Variants in ZNF804A observed in about 807,000 individuals in gnomAD.
ZNF804A encodes zinc finger protein 804A.
A neutral mutation model predicts 16.5 loss-of-function variants in ZNF804A; 2 were observed. The ratio of observed to expected loss-of-function variants is 0.12; its 90% confidence interval spans 0.05 to 0.38. ZNF804A has a LOEUF of 0.38. ZNF804A is among the 10% of genes least tolerant of loss of function. The probability of loss-of-function intolerance (pLI) is 0.99; values close to 1 mark genes in which losing one functional copy is unlikely to be tolerated. For missense variants in ZNF804A, 1,473 were observed against 1,390.7 expected (o/e 1.06, Z -0.94); for synonymous variants, 534 against 489.6 (o/e 1.09, Z -1.20).
intron 1 of ZNF804A, among the ~76,000 whole-genome samples, chr2:184,636,530 T>A (rs371742147): frequency 7.8e-6 from 1 of 128,652 alleles, no homozygotes; most frequent in East Asian, 2.3e-4. Flanking sequence ...GGACAAAGCA[T>A]GTGAGATTGG....
chr2:184,830,794 T>C (rs554084678), intron 1 of ZNF804A, among the ~76,000 whole-genome samples: 1 of 152,234 alleles, frequency 6.6e-6, no homozygotes, highest in Non-Finnish European at 1.5e-5. Context: ...TCTGAAGCAC[T>C]GAAAAGAGTT....
At chr2:184,829,320 A>C (rs1216868531) in intron 1 of ZNF804A, among the ~76,000 whole-genome samples, 1 of 151,962 alleles carries the variant, frequency 6.6e-6, no homozygotes, top group Non-Finnish European at 1.5e-5. Flanking sequence ...AATAATTTTT[A>C]AAGACTTAGT....
At chr2:184,616,268 G>T (rs905470317) in intron 1 of ZNF804A, among the ~76,000 whole-genome samples, 1 of 152,080 alleles carries the variant, frequency 6.6e-6, no homozygotes, top group Non-Finnish European at 1.5e-5. Context: ...TGTGTAACCT[G>T]AGTCAGTTAT....
intron 1 of ZNF804A, among the ~76,000 whole-genome samples, chr2:184,678,852 T>A (rs1692485192): frequency 1.3e-5 from 2 of 152,212 alleles, no homozygotes; most frequent in African/African-American, 4.8e-5. Flanking sequence ...ATCTCAGTGA[T>A]ATTCAGGAGA....
chr2:184,788,433 G>C (rs1694484222), intron 1 of ZNF804A, among the ~76,000 whole-genome samples: 1 of 151,900 alleles, frequency 6.6e-6, no homozygotes, highest in African/African-American at 2.4e-5. Context: ...GGGTAGAATG[G>C]TAATTTGAAC....
chr2:184,877,605 C>T (rs1684729625), intron 2 of ZNF804A, among the ~76,000 whole-genome samples: 1 of 151,830 alleles, frequency 6.6e-6, no homozygotes, highest in Admixed American at 6.6e-5. Context: ...TGGTAAATAG[C>T]AAGAAAACTT....
chr2:184,741,934 T>C (rs1285534229), intron 1 of ZNF804A, among the ~76,000 whole-genome samples: 4 of 152,136 alleles, frequency 2.6e-5, no homozygotes, highest in Admixed American at 6.6e-5. Flanking sequence ...TTTCAAATTA[T>C]AGAGAAGCAA....
chr2:184,639,262 C>T (rs766577506), intron 1 of ZNF804A, among the ~76,000 whole-genome samples: 1 of 151,690 alleles, frequency 6.6e-6, no homozygotes, highest in Non-Finnish European at 1.5e-5. Flanking sequence ...TTAGCAGAGA[C>T]GAGGTTTCAC....
intron 1 of ZNF804A, among the ~76,000 whole-genome samples, chr2:184,756,510 T>G: frequency 6.6e-6 from 1 of 152,172 alleles, no homozygotes; most frequent in Middle Eastern, 3.4e-3. Flanking sequence ...TGTATAAATT[T>G]TATAGGTTTT....
intron 1 of ZNF804A, among the ~76,000 whole-genome samples, chr2:184,736,771 G>A (rs138206123): frequency 6.6e-6 from 1 of 151,758 alleles, no homozygotes; most frequent in East Asian, 1.9e-4. Flanking sequence ...ACTTAACAGT[G>A]GTTAATTCGT....
intron 1 of ZNF804A, among the ~76,000 whole-genome samples, chr2:184,809,479 A>T (rs1308385520): frequency 4.0e-5 from 6 of 151,894 alleles, no homozygotes; most frequent in African/African-American, 1.4e-4. Flanking sequence ...ATGTGTATTT[A>T]GAAAATTTGT....
At chr2:184,695,131 A>T (rs1692808131) in intron 1 of ZNF804A, among the ~76,000 whole-genome samples, 1 of 152,158 alleles carries the variant, frequency 6.6e-6, no homozygotes, top group South Asian at 2.1e-4. Context: ...ACTTCAAAAT[A>T]TGTAGAGAGA....
chr2:184,739,393 CT>C (rs573576217), intron 1 of ZNF804A, among the ~76,000 whole-genome samples: 38 of 152,176 alleles, frequency 2.5e-4, no homozygotes, highest in African/African-American at 7.2e-4. Flanking sequence ...GATTTCATGA[CT>C]TTTTTTGCAG....
intron 2 of ZNF804A, among the ~76,000 whole-genome samples, chr2:184,888,807 C>CTT (rs767785055): frequency 8.6e-5 from 13 of 152,038 alleles, no homozygotes; most frequent in Non-Finnish European, 1.5e-4. Flanking sequence ...GAAGAGAATA[C>CTT]CTATCCTCTG....
chr2:184,892,227 C>T (rs1455183972), intron 2 of ZNF804A, among the ~76,000 whole-genome samples: 2 of 152,138 alleles, frequency 1.3e-5, no homozygotes, highest in Non-Finnish European at 2.9e-5. Flanking sequence ...GGAATTTTCT[C>T]TCAAATTTTT....
In ZNF804A at chr2:184,799,469, C is replaced by A. The variant is rs147573288; in HGVS notation, c.112-66900C>A. 6.6e-3 allele frequency among the ~76,000 whole-genome samples: 998 copies of A among 152,128 alleles called. 15 individuals are homozygous for A. The highest frequency in any genetic ancestry group is 0.022 in the African/African-American group (928 of 41,512). ...TTTTCCTTCCTTATCATATTGTAATCTGGATTTGGCATTAGAGTAACGATG... is the reference window on the plus strand; with the variant it reads ...TTTTCCTTCCTTATCATATTGTAATATGGATTTGGCATTAGAGTAACGATG... On this transcript the variant is annotated intron_variant, in intron 1 of 3. Coordinates refer to ENST00000302277, the MANE Select transcript of ZNF804A (RefSeq NM_194250.2).
intron 1 of ZNF804A, among the ~76,000 whole-genome samples, chr2:184,637,035 T>C (rs746743288): frequency 2.6e-4 from 39 of 152,338 alleles, no homozygotes; most frequent in Admixed American, 5.9e-4. Flanking sequence ...ATTGCTTTCA[T>C]AGTGATGATC....
chr2:184,933,680 AAAGGCACTCC>A lies in ZNF804A; in HGVS notation c.336_345del (p.Lys112AsnfsTer9). ...CCAGGAAAGATGAAAGAAAACAGGA[AAAGGCACTCC>A]AACGCCTGCACAAGCTGGCTGAGCT... On this transcript the variant is annotated frameshift_variant, in exon 3 of 4. Transcript: ENST00000302277. LOFTEE classifies it high-confidence loss of function. 1 of 1,611,370 alleles carries A rather than the reference AAAGGCACTCC, an allele frequency of 6.2e-7. No homozygotes were observed. Among genetic ancestry groups the A allele is most frequent in the Non-Finnish European group, 8.5e-7 (1 of 1,178,928 alleles).
chr2:184,717,637 A>G (rs1351815611), intron 1 of ZNF804A, among the ~76,000 whole-genome samples: 1 of 152,216 alleles, frequency 6.6e-6, no homozygotes, highest in Non-Finnish European at 1.5e-5. Flanking sequence ...CAAACAAACC[A>G]TGGTCACTTT....
Sources: gnomAD v4.1 joint callset for allele counts (sites outside exome capture counted in the v4.1 genomes callset) on GRCh38, gnomAD v4.1.1 for gene constraint, MANE v1.5 for transcripts, NCBI Gene and HGNC (gene_info 2026-07-23, HGNC 2026-07-21) for gene names.